MAP1B: variants seen among roughly 807,000 people sequenced by gnomAD.
The protein encoded by MAP1B is microtubule associated protein 1B, also known as microtubule-associated protein 1B.
MAP1B carries 12 observed loss-of-function variants against 176.1 expected under a neutral mutation model. That is an observed-to-expected ratio of 0.07 (90% CI 0.04 to 0.11). The LOEUF is 0.11. MAP1B is among the 10% of genes least tolerant of loss of function. MAP1B has a pLI of 1.00. For synonymous variants in MAP1B, 1,044 were observed against 1,135.0 expected (o/e 0.92, Z 1.61); for missense variants, 2,523 against 2,990.5 (o/e 0.84, Z 3.65).
At chr5:72,112,072 G>T (rs1745353240) in intron 1 of MAP1B, among the ~76,000 whole-genome samples, 1 of 152,130 alleles carries the variant, frequency 6.6e-6, no homozygotes, top group South Asian at 2.1e-4. Flanking sequence ...TTTAGTTTAT[G>T]ATTTCAATCT....
At chr5:72,185,333 A>T (rs985170841) in intron 3 of MAP1B, among the ~76,000 whole-genome samples, 1 of 152,224 alleles carries the variant, frequency 6.6e-6, no homozygotes, top group Non-Finnish European at 1.5e-5. Flanking sequence ...AAGTGATGGG[A>T]TAGCAATCTC....
In MAP1B at chr5:72,205,075, TCCC is replaced by T; in HGVS notation, c.7252-8_7252-6del. On this transcript the variant is annotated splice_polypyrimidine_tract_variant and splice_region_variant and intron_variant, in intron 6 of 6. Transcript: ENST00000296755. ...CTTAAATAGCTATTTTTTTTTTCTC[TCCC>T]TGCAGGTGACACTGATCCCAACTCA... The T allele has an allele frequency of 6.3e-7, 1 of 1,587,316 alleles. No homozygotes were observed. The highest frequency in any genetic ancestry group is 1.9e-5 in the Admixed American group (1 of 52,114).
intron 2 of MAP1B, among the ~76,000 whole-genome samples, chr5:72,122,228 C>T (rs558327900): frequency 9.9e-4 from 150 of 152,240 alleles, no homozygotes; most frequent in Non-Finnish European, 1.5e-3. Context: ...GCCCTGAGCC[C>T]TCCTGGCCCG....
chr5:72,170,390 C>A (rs1746513238), intron 2 of MAP1B, among the ~76,000 whole-genome samples: 1 of 152,088 alleles, frequency 6.6e-6, no homozygotes, highest in Non-Finnish European at 1.5e-5. Context: ...AGAGAGTACT[C>A]AATAGTTCGT....
chr5:72,161,033 G>A (rs1470931640), intron 2 of MAP1B, among the ~76,000 whole-genome samples: 1 of 152,152 alleles, frequency 6.6e-6, no homozygotes, highest in African/African-American at 2.4e-5. Context: ...GGTACCCCTG[G>A]GCCTGGGGAG....
chr5:72,144,881 G>C (rs1436647475), intron 2 of MAP1B, among the ~76,000 whole-genome samples: 3 of 152,188 alleles, frequency 2.0e-5, no homozygotes, highest in Non-Finnish European at 4.4e-5. Flanking sequence ...AGAGGTACTA[G>C]AATGCACTCC....
rs1746901211 is a variant in MAP1B, at chr5:72,186,530, T to C, written c.370-84T>C. ...GCTTTTTGCTGGTAATAAACTCCCA[T>C]GGCTCCGAAGGCTAGCCCTGTCCTG... On this transcript the variant is annotated intron_variant, in intron 3 of 6. Coordinates refer to ENST00000296755, the MANE Select transcript of MAP1B (RefSeq NM_005909.5). This position sits in a 1 kb window ranked among gnomAD's most constrained non-coding sequence, Gnocchi z 4.3. 2 of 1,514,764 alleles carry C rather than the reference T, an allele frequency of 1.3e-6. No homozygotes were observed. Among genetic ancestry groups the C allele is most frequent in the African/African-American group, 2.8e-5 (2 of 72,302 alleles). 93.8% of individuals were successfully genotyped at this position (1,514,764 alleles called of 1,614,324 possible). A position where few individuals can be genotyped will look rare whatever the true frequency, so the allele number is the denominator to read the frequency against.
In MAP1B at chr5:72,196,117, A is replaced by G. The variant is rs748727231; in HGVS notation, c.2762A>G (p.Asp921Gly). Residue 921 changes from aspartate (D) to glycine (G), a missense_variant, in exon 5 of 7, where the codon GAC (aspartate) becomes GGC (glycine). Around this residue, in one of 4 missense-constraint regions of MAP1B, gnomAD observed 1,925 missense variants for 2,126.0 expected, o/e 0.91. Transcript: ENST00000296755. The surrounding 1 kb of genome is among the most constrained non-coding windows in gnomAD (Gnocchi z 5.3). ...ELEPVEKQGV[D>G]DIEKFEDEGA... ...GAGCCCGTCGAGAAGCAGGGAGTAG[A>G]CGACATTGAAAAATTTGAAGATGAA... 8.7e-6 allele frequency: 14 copies of G among 1,613,758 alleles called. No individual in the cohort carries two copies. Among genetic ancestry groups the G allele is most frequent in the Admixed American group, 3.3e-5 (2 of 60,008 alleles).
chr5:72,125,169 A>G (rs1745604384), intron 2 of MAP1B, among the ~76,000 whole-genome samples: 1 of 152,160 alleles, frequency 6.6e-6, no homozygotes, highest in Non-Finnish European at 1.5e-5. Flanking sequence ...CCGCTTTTTT[A>G]TCTAGAATTC....
At position 72,195,689 on chromosome 5, in the gene MAP1B, G is replaced by C; in HGVS notation, c.2334G>C (p.Glu778Asp). The part of the protein sequence containing the change: ...KDSVAAGKPK[E>D]KGKIKVIKKE... ...CTGTTGCTGCCGGAAAGCCAAAGGA[G>C]AAGGGGAAAATAAAAGTCATTAAGA... The change falls in exon 5 of 7, where the codon GAG becomes GAC. Residue 778 changes from glutamate (E) to aspartate (D), a missense_variant. Physicochemically the swap from Glu to Asp is conservative, Grantham distance 45. Transcript: ENST00000296755. 2 of 1,614,224 alleles carry C rather than the reference G, an allele frequency of 1.2e-6. No individual in the cohort carries two copies. The highest frequency in any genetic ancestry group is 1.1e-5 in the South Asian group (1 of 91,084).
At position 72,199,584 on chromosome 5, in the gene MAP1B, C is replaced by T. The variant is rs1423236399; in HGVS notation, c.6229C>T (p.Arg2077Cys). ...TAEKKSPSEA[R>C]QDVDLCLVSS... is the part of the protein sequence containing the mutation. ...AGAAAAGAAGTCCCCCTCAGAAGCC[C>T]GTCAGGATGTCGATTTATGCCTCGT... Residue 2077 changes from arginine to cysteine, a missense_variant, in exon 5 of 7, where the codon CGT becomes TGT. Around this residue, in one of 4 missense-constraint regions of MAP1B, gnomAD observed 1,925 missense variants for 2,126.0 expected, o/e 0.91. Transcript: ENST00000296755. The surrounding 1 kb of genome is among the most constrained non-coding windows in gnomAD (Gnocchi z 4.2). The T allele has an allele frequency of 6.8e-6, 11 of 1,614,176 alleles. No homozygotes were observed. The highest frequency in any genetic ancestry group is 2.2e-5 in the East Asian group (1 of 44,882).
chr5:72,133,241 C>T (rs1745767194), intron 2 of MAP1B, among the ~76,000 whole-genome samples: 1 of 152,238 alleles, frequency 6.6e-6, no homozygotes, highest in Non-Finnish European at 1.5e-5. Flanking sequence ...ATCCTCCTGC[C>T]TCTGCCTGTA....
chr5:72,121,216 C>G (rs1439824565), intron 2 of MAP1B, among the ~76,000 whole-genome samples: 1 of 151,234 alleles, frequency 6.6e-6, no homozygotes, highest in Admixed American at 6.6e-5. Flanking sequence ...CTATGATAAC[C>G]CATCCATGGT....
chr5:72,107,506 T>C lies in MAP1B; in HGVS notation c.-26T>C, dbSNP rs755873368. On this transcript the variant is annotated 5_prime_UTR_variant, in exon 1 of 7. Transcript: ENST00000296755. ...GAGAGGAGCGGCCGGAGCGAGACAC[T>C]TCGCCGAGGCACAGCAGCCGGCAGG... is the stretch of plus-strand genomic sequence containing the variant. The C allele has an allele frequency of 1.3e-6, 2 of 1,535,450 alleles. No individual in the cohort carries two copies. The highest frequency in any genetic ancestry group is 2.7e-5 in the African/African-American group (2 of 72,960).
At position 72,185,576 on chromosome 5, in the gene MAP1B, G is replaced by T. The variant is rs550552103; in HGVS notation, c.370-1038G>T. Reference sequence around the variant, plus strand: ...GCCACTGCACACTGCACTCCAGCCTGAGCAACAGAGTGAGACCCTGTCTCA... The same window carrying T: ...GCCACTGCACACTGCACTCCAGCCTTAGCAACAGAGTGAGACCCTGTCTCA... On this transcript the variant is annotated intron_variant, in intron 3 of 6. Coordinates refer to ENST00000296755, the MANE Select transcript of MAP1B (RefSeq NM_005909.5). Among the ~76,000 whole-genome samples the T allele has an allele frequency of 4.1e-5, 6 of 146,946 alleles. No individual in the cohort carries two copies. The Admixed American group carries it at 4.1e-4, about 10-fold the overall frequency.
chr5:72,182,767 C>T (rs1158733479), intron 2 of MAP1B, among the ~76,000 whole-genome samples: 1 of 152,210 alleles, frequency 6.6e-6, no homozygotes, highest in African/African-American at 2.4e-5. Context: ...TTCCAAGCAG[C>T]AGACATGTTT....
At position 72,197,623 on chromosome 5, in the gene MAP1B, G is replaced by C; in HGVS notation, c.4268G>C (p.Arg1423Thr). ...FLSADDKASG[R>T]GAESPFEEKS... is the part of the protein sequence containing the mutation. ...AGTGCTGATGACAAGGCTTCTGGCA[G>C]AGGTGCCGAAAGTCCTTTTGAAGAA... The change falls in exon 5 of 7, where the codon AGA (arginine) becomes ACA (threonine). Residue 1423 changes from arginine (R) to threonine (T), a missense_variant. Physicochemically the swap from Arg to Thr is moderately conservative, Grantham distance 71. This residue lies in a region of MAP1B where 1,925 missense variants were observed against 2,126.0 expected (regional missense o/e 0.91). Coordinates refer to ENST00000296755, the MANE Select transcript of MAP1B (RefSeq NM_005909.5). 6.2e-7 allele frequency: 1 copy of C among 1,614,222 alleles called. No individual in the cohort carries two copies. The highest frequency in any genetic ancestry group is 8.5e-7 in the Non-Finnish European group (1 of 1,180,044).
chr5:72,146,502 A>G (rs1331330944), intron 2 of MAP1B, among the ~76,000 whole-genome samples: 1 of 152,236 alleles, frequency 6.6e-6, no homozygotes, highest in East Asian at 1.9e-4. Context: ...CCCATGTGCC[A>G]GGTGCTGCTC....
chr5:72,138,343 C>G (rs1280964853), intron 2 of MAP1B, among the ~76,000 whole-genome samples: 1 of 152,122 alleles, frequency 6.6e-6, no homozygotes, highest in African/African-American at 2.4e-5. Context: ...ATTTTTACCT[C>G]CAAGTTGCAA....
Sources: gnomAD v4.1 joint callset for allele counts (sites outside exome capture counted in the v4.1 genomes callset) on GRCh38, gnomAD v4.1.1 for gene constraint, gnomAD v4.1.1 regional missense constraint, Gnocchi (gnomAD v3.1) non-coding constraint, MANE v1.5 for transcripts, NCBI Gene and HGNC (gene_info 2026-07-23, HGNC 2026-07-21) for gene names.